The following UBA3 variants were observed in gnomAD, a reference collection of about 807,000 sequenced individuals.
UBA3 encodes ubiquitin like modifier activating enzyme 3.
A neutral mutation model predicts 73.5 loss-of-function variants in UBA3; 26 were observed. That is an observed-to-expected ratio of 0.35 (90% CI 0.26 to 0.49). The LOEUF is 0.49. Among genes scored for constraint, UBA3 ranks in the 20% least tolerant of loss-of-function variants. The probability of loss-of-function intolerance (pLI) is 0.98; values close to 1 mark genes in which losing one functional copy is unlikely to be tolerated. For missense variants in UBA3, 495 were observed against 555.6 expected, an observed-to-expected ratio of 0.89 and a Z score of 1.10; for synonymous variants, 217 against 191.2, an observed-to-expected ratio of 1.13 and a Z score of -1.11.
chr3:69,060,366 A>G (rs993795273), intron 11 of UBA3, among the ~76,000 whole-genome samples: 1 of 152,192 alleles, frequency 6.6e-6, no homozygotes, highest in Non-Finnish European at 1.5e-5. Flanking sequence ...TATGTGGACA[A>G]AACATCCAGC....
intron 9 of UBA3, among the ~76,000 whole-genome samples, chr3:69,062,716 T>C (rs1015165504): frequency 6.6e-6 from 1 of 152,192 alleles, no homozygotes; most frequent in Non-Finnish European, 1.5e-5. Context: ...GACATCAATA[T>C]ACAACTTTGT....
In UBA3 at chr3:69,064,113, TGA is replaced by T. The variant is rs1186311316; in HGVS notation, c.429-4_429-3del. 14 of 1,600,588 alleles carry T rather than the reference TGA, an allele frequency of 8.7e-6. No homozygotes were observed. Among genetic ancestry groups the T allele is most frequent in the Non-Finnish European group, 1.2e-5 (14 of 1,175,202 alleles). On this transcript the variant is annotated splice_region_variant and splice_polypyrimidine_tract_variant and intron_variant, in intron 6 of 17. Transcript: ENST00000361055. ...AAATCTTGAATCTTGTTGAAATGTC[TGA>T]ATACAAGTAAAGGAACTTAAGCAGC...
intron 11 of UBA3, among the ~76,000 whole-genome samples, chr3:69,058,399 GACTCCAAGTATAGTCAGGTTT>G (rs1366885678): frequency 6.6e-6 from 1 of 152,182 alleles, no homozygotes; most frequent in African/African-American, 2.4e-5. Flanking sequence ...GTGTTCCCAA[GACTCCAAGTATAGTCAGGTTT>G]CAAAAACTTA....
intron 6 of UBA3, among the ~76,000 whole-genome samples, chr3:69,064,807 T>C (rs1039556862): frequency 1.3e-5 from 2 of 152,178 alleles, no homozygotes; most frequent in African/African-American, 4.8e-5. Context: ...CTTGTTTTAA[T>C]TTTTCTAATG....
Position 69,061,894 on chromosome 3 carries a change from T to C in UBA3, c.830A>G (p.His277Arg). 1 of 1,609,962 alleles carries C rather than the reference T, an allele frequency of 6.2e-7. No individual in the cohort carries two copies. Among genetic ancestry groups the C allele is most frequent in the African/African-American group, 1.3e-5 (1 of 74,616 alleles). Residue 277 changes from histidine (H) to arginine (R), a missense_variant, in exon 11 of 18, where the codon CAT becomes CGT. Physicochemically the swap from His to Arg is conservative, Grantham distance 29. Transcript: ENST00000361055. The stretch of plus-strand genomic sequence containing the variant: ...GGATTTTTGGAAAATCCATTGTATA[T>C]GTTCAGGATCATCTCCATCTAATGG... ...GVPLDGDDPE[H>R]IQWIFQKSLE... is the part of the protein sequence containing the mutation.
At chr3:69,073,330 C>G (rs2092137128) in intron 4 of UBA3, among the ~76,000 whole-genome samples, 1 of 152,234 alleles carries the variant, frequency 6.6e-6, no homozygotes, top group African/African-American at 2.4e-5. Flanking sequence ...AGTCCTTGAA[C>G]AAACAGGAGT....
At chr3:69,078,613 A>G (rs1345435003) in intron 2 of UBA3, among the ~76,000 whole-genome samples, 1 of 152,102 alleles carries the variant, frequency 6.6e-6, no homozygotes, top group East Asian at 1.9e-4. Context: ...AGCTGTGCCT[A>G]CAGGTACATG....
intron 5 of UBA3, among the ~76,000 whole-genome samples, chr3:69,070,018 C>T (rs1419508749): frequency 6.6e-6 from 1 of 152,194 alleles, no homozygotes; most frequent in Non-Finnish European, 1.5e-5. Context: ...ACCTTGAACA[C>T]AAGAACCTAC....
intron 6 of UBA3, among the ~76,000 whole-genome samples, chr3:69,065,209 G>A (rs1236292062): frequency 6.6e-6 from 1 of 152,162 alleles, no homozygotes; most frequent in Non-Finnish European, 1.5e-5. Flanking sequence ...AATGGGGATA[G>A]ACAAACTGAG....
intron 8 of UBA3, 123 bp from the exon 9 acceptor site, chr3:69,063,260 A>T (rs1371037994): frequency 7.5e-7 from 1 of 1,337,452 alleles, no homozygotes; most frequent in Non-Finnish European, 1.0e-6. Context: ...AAATCAAGGG[A>T]TTATAATAAC....
At chr3:69,066,435 G>T (rs533063767) in intron 6 of UBA3, among the ~76,000 whole-genome samples, 1,744 of 129,922 alleles carry the variant, frequency 0.013, 19 homozygotes, top group Non-Finnish European at 0.019. Context: ...TCGTTTTATG[G>T]TTTTTTGTGT....
intron 3 of UBA3, 138 bp from the exon 4 acceptor site, chr3:69,075,648 C>G (rs1175536781): frequency 5.9e-6 from 2 of 340,812 alleles, no homozygotes; most frequent in Non-Finnish European, 1.1e-5. Flanking sequence ...TGTATTTGCT[C>G]AATTATTTGA....
chr3:69,071,869 C>T (rs2092124791), intron 4 of UBA3, among the ~76,000 whole-genome samples: 1 of 152,118 alleles, frequency 6.6e-6, no homozygotes, highest in South Asian at 2.1e-4. Context: ...CGGATTGAAA[C>T]TATTTTACAT....
intron 2 of UBA3, among the ~76,000 whole-genome samples, chr3:69,078,941 T>G (rs2092194337): frequency 6.6e-6 from 1 of 152,228 alleles, no homozygotes; most frequent in African/African-American, 2.4e-5. Flanking sequence ...ATTTTATACT[T>G]AGTTAAGATT....
At chr3:69,069,602 C>T (rs1359334507) in intron 5 of UBA3, among the ~76,000 whole-genome samples, 2 of 152,186 alleles carry the variant, frequency 1.3e-5, no homozygotes, top group African/African-American at 4.8e-5. Context: ...GCTGTGATTA[C>T]AGGCATGAGC....
At chr3:69,078,093 A>ATCT (rs2092183832) in intron 2 of UBA3, among the ~76,000 whole-genome samples, 175 bp from the exon 3 acceptor site, 1 of 152,224 alleles carries the variant, frequency 6.6e-6, no homozygotes, top group African/African-American at 2.4e-5. Context: ...CTATTATACA[A>ATCT]TTCATTTAAA....
intron 1 of UBA3, 80 bp from the exon 2 acceptor site, chr3:69,080,233 C>CGGGGGCCGGGGGG: frequency 7.2e-6 from 4 of 557,188 alleles, no homozygotes; most frequent in Non-Finnish European, 1.2e-5. Flanking sequence ...GGGGACGGGG[C>CGGGGGCCGGGGGG]GGGGGGTGTG....
chr3:69,058,250 C>T (rs1289182336), intron 11 of UBA3, among the ~76,000 whole-genome samples: 3 of 152,128 alleles, frequency 2.0e-5, no homozygotes, highest in Admixed American at 2.0e-4. Context: ...ATAAACAAAG[C>T]CTCACCTTAA....
chr3:69,069,964 T>A (rs987010481), intron 5 of UBA3, among the ~76,000 whole-genome samples: 13 of 152,210 alleles, frequency 8.5e-5, no homozygotes, highest in African/African-American at 2.9e-4. Context: ...AAAATGGCCT[T>A]TCACACACAT....
Sources: gnomAD v4.1 joint callset for allele counts (sites outside exome capture counted in the v4.1 genomes callset) on GRCh38, gnomAD v4.1.1 for gene constraint, MANE v1.5 for transcripts, NCBI Gene and HGNC (gene_info 2026-07-23, HGNC 2026-07-21) for gene names.